CPNE4: variants seen among roughly 807,000 people sequenced by gnomAD.
CPNE4 encodes the protein copine 4.
A neutral mutation model predicts 67.9 loss-of-function variants in CPNE4; 25 were observed. That is an observed-to-expected ratio of 0.37 (90% CI 0.27 to 0.51). The LOEUF (loss-of-function observed/expected upper bound fraction) is 0.51. Among genes scored for constraint, CPNE4 ranks in the 20% least tolerant of loss-of-function variants. CPNE4 has a pLI of 0.93. For missense variants in CPNE4, 464 were observed against 690.8 expected (o/e 0.67, Z 3.68); for synonymous variants, 242 against 244.9 (o/e 0.99, Z 0.11).
chr3:131,894,694 C>A (rs1329709809), intron 2 of CPNE4, among the ~76,000 whole-genome samples: 1 of 151,594 alleles, frequency 6.6e-6, no homozygotes, highest in East Asian at 1.9e-4. Flanking sequence ...TGGCTATTAT[C>A]AAGAAGACAA....
chr3:131,719,902 C>T (rs887476589), intron 3 of CPNE4, among the ~76,000 whole-genome samples: 25 of 152,300 alleles, frequency 1.6e-4, no homozygotes, highest in African/African-American at 5.8e-4. Context: ...ACTGGACACA[C>T]GCCTACCTCT....
chr3:131,629,198 A>G (rs1282486593), intron 7 of CPNE4, among the ~76,000 whole-genome samples: 1 of 152,090 alleles, frequency 6.6e-6, no homozygotes, highest in Non-Finnish European at 1.5e-5. Flanking sequence ...GGCCCCCATG[A>G]TTCAATCATT....
intron 1 of CPNE4, among the ~76,000 whole-genome samples, chr3:131,921,504 T>C (rs189788025): frequency 1.3e-5 from 2 of 152,298 alleles, no homozygotes; most frequent in Admixed American, 6.5e-5. Flanking sequence ...AGTGATCAAG[T>C]ACATGAAATA....
Position 131,996,499 on chromosome 3 carries a change from AG to A in CPNE4, c.-2+38067del, listed in dbSNP as rs1240269303. ...TAAAATGGAGAAAATAATAAAAAAA[AG>A]AGAGAAAGGGGAGAGAGAGTCCACG... On this transcript the variant is annotated intron_variant, in intron 1 of 15. Coordinates refer to ENST00000429747, the MANE Select transcript of CPNE4 (RefSeq NM_130808.3). Among the ~76,000 whole-genome samples, 8 of 137,154 alleles carry A rather than the reference AG, an allele frequency of 5.8e-5. No individual in the cohort carries two copies. In the East Asian group the frequency reaches 1.5e-3, roughly 26 times the overall value. The allele number at this position is 137,154 out of a possible 152,430, so 90.0% of individuals were successfully genotyped here.
intron 11 of CPNE4, 109 bp downstream of exon 11, chr3:131,564,107 A>T: frequency 7.7e-7 from 1 of 1,302,282 alleles, no homozygotes; most frequent in Non-Finnish European, 1.1e-6. Context: ...TGAAGTCACT[A>T]CATAAGGAGC....
intron 6 of CPNE4, among the ~76,000 whole-genome samples, chr3:131,683,719 C>A (rs1454658161): frequency 6.6e-6 from 1 of 152,058 alleles, no homozygotes; most frequent in Non-Finnish European, 1.5e-5. Flanking sequence ...CAGCAGAGCA[C>A]CAGTACTTGC....
chr3:131,902,887 T>C (rs1158463617), intron 2 of CPNE4, among the ~76,000 whole-genome samples: 1 of 152,080 alleles, frequency 6.6e-6, no homozygotes, highest in African/African-American at 2.4e-5. Context: ...AGATACTATG[T>C]ATTAAGACAC....
intron 2 of CPNE4, among the ~76,000 whole-genome samples, chr3:131,724,532 G>T (rs568197857): frequency 1.3e-5 from 2 of 152,258 alleles, no homozygotes; most frequent in Admixed American, 1.3e-4. Context: ...TTGCCCTCTG[G>T]GTTCTGGTTG....
chr3:131,744,336 A>C (rs138903284), intron 2 of CPNE4, among the ~76,000 whole-genome samples: 2 of 152,264 alleles, frequency 1.3e-5, no homozygotes, highest in Admixed American at 1.3e-4. Flanking sequence ...GTGATAAAAG[A>C]CTTTTTAAAA....
intron 8 of CPNE4, among the ~76,000 whole-genome samples, chr3:131,586,406 G>GTTA (rs1247994678): frequency 1.3e-5 from 2 of 152,188 alleles, no homozygotes; most frequent in Admixed American, 1.3e-4. Context: ...TATCAAGTCA[G>GTTA]TTACCACTGT....
At chr3:131,765,677 A>C (rs528461696) in intron 2 of CPNE4, among the ~76,000 whole-genome samples, 2 of 152,220 alleles carry the variant, frequency 1.3e-5, no homozygotes, top group South Asian at 4.1e-4. Flanking sequence ...GAGAGGCAGT[A>C]GTTAACTTCT....
chr3:131,567,856 G>A (rs912975340), intron 10 of CPNE4, among the ~76,000 whole-genome samples: 12 of 151,994 alleles, frequency 7.9e-5, no homozygotes, highest in Admixed American at 2.6e-4. Context: ...TAGAAGGTTA[G>A]TATTGGGCTG....
chr3:131,649,292 G>A (rs1192588479), intron 7 of CPNE4, among the ~76,000 whole-genome samples: 1 of 152,212 alleles, frequency 6.6e-6, no homozygotes, highest in East Asian at 1.9e-4. Flanking sequence ...TCGTGTGTAA[G>A]TAACAATGGA....
At chr3:131,665,796 A>C (rs1365057741) in intron 7 of CPNE4, among the ~76,000 whole-genome samples, 2 of 152,288 alleles carry the variant, frequency 1.3e-5, no homozygotes, top group South Asian at 2.1e-4. Flanking sequence ...CATTTATGCA[A>C]ACAATAGAGG....
At chr3:131,624,649 C>G (rs1030413310) in intron 7 of CPNE4, among the ~76,000 whole-genome samples, 1 of 152,116 alleles carries the variant, frequency 6.6e-6, no homozygotes, top group African/African-American at 2.4e-5. Flanking sequence ...AACCCCAAGT[C>G]CAAGTAGATT....
chr3:131,871,033 A>T (rs1350244982), intron 2 of CPNE4, among the ~76,000 whole-genome samples: 1 of 152,178 alleles, frequency 6.6e-6, no homozygotes, highest in East Asian at 1.9e-4. Flanking sequence ...AAGCCACTTT[A>T]GTAGTCCATG....
At chr3:131,731,372 T>C (rs1360938036) in intron 2 of CPNE4, among the ~76,000 whole-genome samples, 1 of 152,200 alleles carries the variant, frequency 6.6e-6, no homozygotes, top group African/African-American at 2.4e-5. Flanking sequence ...TCTCAAGTGC[T>C]AATATGTTCT....
At chr3:131,627,720 CT>C (rs1012059004) in intron 7 of CPNE4, among the ~76,000 whole-genome samples, 1 of 152,166 alleles carries the variant, frequency 6.6e-6, no homozygotes, top group East Asian at 1.9e-4. Context: ...TCAGGGATGA[CT>C]TTGAGGAATT....
chr3:131,538,959 T>C (rs1237439289), intron 15 of CPNE4: 1 of 152,196 alleles, frequency 6.6e-6, no homozygotes, highest in Middle Eastern at 3.2e-3. Flanking sequence ...TCTATGATAT[T>C]CTGTTATATG....
Sources: allele counts gnomAD v4.1 joint callset (sites outside exome capture counted in the v4.1 genomes callset), GRCh38; gene constraint gnomAD v4.1.1; transcripts MANE v1.5; gene names NCBI Gene and HGNC (gene_info 2026-07-23, HGNC 2026-07-21).